Variants in EFCAB8 observed in about 807,000 individuals in gnomAD.
The protein encoded by EFCAB8 is EF-hand calcium binding domain 8, also known as EF-hand calcium-binding domain-containing protein 8.
In EFCAB8, 100 loss-of-function variants were observed where a neutral mutation model predicts 116.3. That is an observed-to-expected ratio of 0.86 (90% confidence interval 0.73 to 1.02). The LOEUF (loss-of-function observed/expected upper bound fraction) is 1.02. EFCAB8 is among the 50% of genes least tolerant of loss of function. EFCAB8 has a pLI of 0.00. For synonymous variants in EFCAB8, 558 were observed against 567.9 expected, an observed-to-expected ratio of 0.98 and a Z score of 0.25; for missense variants, 1,320 against 1,416.9, an observed-to-expected ratio of 0.93 and a Z score of 1.10.
In EFCAB8 at chr20:32,961,704, T is replaced by C. The variant is rs1989160779; in HGVS notation, c.*95T>C. On this transcript the variant is annotated 3_prime_UTR_variant, in exon 27 of 27. Transcript: ENST00000400522. ...CTTATTCCCTACCAGACCCAGAGGA[T>C]GTGGCTCTTCCCCCGGCCACCCCAC... The C allele has an allele frequency of 1.3e-6, 1 of 764,802 alleles. No homozygotes were observed. Among genetic ancestry groups the C allele is most frequent in the South Asian group, 6.2e-5 (1 of 16,008 alleles). The allele number at this position is 764,802 out of a possible 1,614,324, so 47.4% of individuals were successfully genotyped here. A position where few individuals can be genotyped will look rare whatever the true frequency, so the allele number is the denominator to read the frequency against.
At chr20:32,927,389 G>A (rs1192111176) in intron 20 of EFCAB8, among the ~76,000 whole-genome samples, 2 of 152,006 alleles carry the variant, frequency 1.3e-5, no homozygotes, top group African/African-American at 4.8e-5. Flanking sequence ...CTGTCTCCCA[G>A]GCTGGAGTGC....
At chr20:32,862,975 C>A (rs1600352234) in intron 1 of EFCAB8, among the ~76,000 whole-genome samples, 1 of 151,680 alleles carries the variant, frequency 6.6e-6, no homozygotes, top group East Asian at 1.9e-4. Context: ...TTCAGACTGT[C>A]TGGCCAGGTA....
At chr20:32,907,118 G>C (rs1328522887) in intron 13 of EFCAB8, 124 bp downstream of exon 13, 1 of 1,423,076 alleles carries the variant, frequency 7.0e-7, no homozygotes, top group African/African-American at 1.4e-5. Flanking sequence ...AGGGGCCCCG[G>C]GTGGGAGGAA....
intron 11 of EFCAB8, among the ~76,000 whole-genome samples, chr20:32,899,527 A>G (rs896760987): frequency 1.3e-5 from 2 of 152,142 alleles, no homozygotes; most frequent in Non-Finnish European, 2.9e-5. Context: ...TCCTTATTCA[A>G]TCGCCATTCC....
chr20:32,907,167 G>C, intron 13 of EFCAB8, 173 bp downstream of exon 13: 1 of 979,034 alleles, frequency 1.0e-6, no homozygotes, highest in Non-Finnish European at 1.2e-6. Flanking sequence ...TGTCCCCAGA[G>C]CTGGGTTCCC....
chr20:32,873,635 G>A (rs1791800176), intron 3 of EFCAB8, among the ~76,000 whole-genome samples: 1 of 151,652 alleles, frequency 6.6e-6, no homozygotes, highest in Admixed American at 6.6e-5. Context: ...GGCTGGAGAG[G>A]GCGGATCACT....
rs1403568612 is a variant in EFCAB8 at position 32,961,237 on chromosome 20, C to G, written c.3495C>G (p.His1165Gln). 1.3e-6 allele frequency: 2 copies of G among 1,551,622 alleles called. No individual in the cohort carries two copies. The highest frequency in any genetic ancestry group is 1.7e-6 in the Non-Finnish European group (2 of 1,146,860). Residue 1165 changes from histidine to glutamine, a missense_variant, in exon 27 of 27, where the codon CAC becomes CAG. Physicochemically the swap from His to Gln is conservative, Grantham distance 24. Transcript: ENST00000400522. Reference sequence around the variant, plus strand: ...GGGGCCCAGACCAGCAAGACCAGCACATCCGCCTGGTGGCCCACCATGTCC... The same window carrying G: ...GGGGCCCAGACCAGCAAGACCAGCAGATCCGCCTGGTGGCCCACCATGTCC... ...TSRGPDQQDQ[H>Q]IRLVAHHVQK... is the part of the protein sequence containing the mutation.
chr20:32,929,047 A>G (rs1476028827), intron 20 of EFCAB8, among the ~76,000 whole-genome samples: 2 of 152,092 alleles, frequency 1.3e-5, no homozygotes, highest in Non-Finnish European at 2.9e-5. Context: ...GTCATGGTAT[A>G]TAATCCTTTT....
intron 23 of EFCAB8, among the ~76,000 whole-genome samples, chr20:32,955,102 T>C (rs1988922216): frequency 2.0e-5 from 3 of 152,194 alleles, no homozygotes; most frequent in Non-Finnish European, 4.4e-5. Context: ...AGCATTTTTC[T>C]GGTAAGTGGA....
chr20:32,865,772 G>C (rs1215213283), intron 2 of EFCAB8, among the ~76,000 whole-genome samples: 1 of 150,934 alleles, frequency 6.6e-6, no homozygotes, highest in Non-Finnish European at 1.5e-5. Context: ...CTCCAGCTGG[G>C]TGACAGAGTG....
chr20:32,904,635 C>T (rs1191352528), intron 11 of EFCAB8, among the ~76,000 whole-genome samples: 9 of 119,356 alleles, frequency 7.5e-5, no homozygotes, highest in African/African-American at 1.3e-4. Flanking sequence ...AAGGCGGTGG[C>T]GGGGTGGGGG....
chr20:32,916,430 A>T (rs966037513), intron 17 of EFCAB8, among the ~76,000 whole-genome samples: 1 of 151,444 alleles, frequency 6.6e-6, no homozygotes, highest in Non-Finnish European at 1.5e-5. Context: ...GCTAATTAAA[A>T]TTTTTTTTTG....
rs147988325 is a variant in EFCAB8, at chr20:32,894,583, G to A, written c.883+1285G>A. ...ATTGAAGGCTAGGGACAAACATGAC[G>A]ATGAGGTGGGCCCAGTGTATGGACT... On this transcript the variant is annotated intron_variant, in intron 9 of 26. Transcript: ENST00000400522. Among the ~76,000 whole-genome samples the A allele has an allele frequency of 1.1e-4, 17 of 152,354 alleles. No homozygotes were observed. The East Asian group carries it at 1.9e-3, about 17-fold the overall frequency.
chr20:32,929,623 T>C (rs1156331253), intron 20 of EFCAB8, among the ~76,000 whole-genome samples: 7 of 151,822 alleles, frequency 4.6e-5, no homozygotes, highest in Admixed American at 1.3e-4. Context: ...ATTACAGGTA[T>C]GAGCCACCAT....
At chr20:32,878,858 T>C in intron 5 of EFCAB8, 51 bp downstream of exon 5, 3 of 1,484,442 alleles carry the variant, frequency 2.0e-6, no homozygotes, top group Non-Finnish European at 9.2e-7. Context: ...GGACAAGTGC[T>C]GGTGCCAGCC....
At chr20:32,882,283 GC>G (rs916812256) in intron 5 of EFCAB8, among the ~76,000 whole-genome samples, 2 of 152,076 alleles carry the variant, frequency 1.3e-5, no homozygotes, top group Admixed American at 1.3e-4. Context: ...GCAAGTGGCA[GC>G]CCTCCAAACA....
At chr20:32,938,346 C>A (rs1988201687) in intron 22 of EFCAB8, among the ~76,000 whole-genome samples, 1 of 149,858 alleles carries the variant, frequency 6.7e-6, no homozygotes, top group Non-Finnish European at 1.5e-5. Context: ...TCACAGGTAG[C>A]ATAAAACTTC....
intron 23 of EFCAB8, among the ~76,000 whole-genome samples, chr20:32,951,581 CAAA>C (rs1988802522): frequency 6.6e-6 from 1 of 152,030 alleles, no homozygotes; most frequent in African/African-American, 2.4e-5. Context: ...GGTGGGAGCT[CAAA>C]GAAGCAGGAA....
At chr20:32,910,089 C>T (rs1306266116) in intron 15 of EFCAB8, among the ~76,000 whole-genome samples, 158 bp downstream of exon 15, 1 of 152,202 alleles carries the variant, frequency 6.6e-6, no homozygotes, top group Admixed American at 6.5e-5. Context: ...GGGATAGACA[C>T]AGAAAGCAGC....
Sources: allele counts gnomAD v4.1 joint callset (sites outside exome capture counted in the v4.1 genomes callset), GRCh38; gene constraint gnomAD v4.1.1; transcripts MANE v1.5; gene names NCBI Gene and HGNC (gene_info 2026-07-23, HGNC 2026-07-21).